GNG4: variants seen among roughly 807,000 people sequenced by gnomAD.
GNG4 encodes the protein guanine nucleotide-binding protein G(I)/G(S)/G(O) subunit gamma-4.
GNG4 carries 4 observed loss-of-function variants against 5.8 expected under a neutral mutation model. The observed-to-expected ratio is 0.69, with a 90% CI of 0.34 to 1.57. The LOEUF (loss-of-function observed/expected upper bound fraction) is 1.57, where lower values mean the gene tolerates loss of function less well. Among genes scored for constraint, GNG4 ranks in the 40% most tolerant of loss-of-function variants. The pLI is 0.06. For synonymous variants in GNG4, 29 were observed against 32.9 expected, an observed-to-expected ratio of 0.88 and a Z score of 0.41; for missense variants, 96 against 95.1, an observed-to-expected ratio of 1.01 and a Z score of -0.04.
intron 1 of GNG4, among the ~76,000 whole-genome samples, chr1:235,629,462 G>C (rs1688889965): frequency 6.6e-6 from 1 of 152,038 alleles, no homozygotes; most frequent in African/African-American, 2.4e-5. Flanking sequence ...GCATGCTTTT[G>C]CTTCCACTAT....
intron 1 of GNG4, among the ~76,000 whole-genome samples, chr1:235,633,454 C>T (rs1322853604): frequency 6.6e-6 from 1 of 152,138 alleles, no homozygotes; most frequent in African/African-American, 2.4e-5. Context: ...GAGGCTGGCT[C>T]TGGTTATTTC....
At chr1:235,569,458 A>G (rs1438822554) in intron 3 of GNG4, among the ~76,000 whole-genome samples, 1 of 15,550 alleles carries the variant, frequency 6.4e-5, no homozygotes, top group Non-Finnish European at 1.1e-4. Context: ...ACCGTGTCTC[A>G]AAAAAAAAAA....
At chr1:235,587,372 T>TA (rs1687804389) in intron 2 of GNG4, among the ~76,000 whole-genome samples, 1 of 24,700 alleles carries the variant, frequency 4.0e-5, no homozygotes, top group African/African-American at 2.4e-4. Context: ...TGTGTGTGAG[T>TA]GTGTGTGTGA....
At chr1:235,584,424 C>T (rs528953792) in intron 2 of GNG4, among the ~76,000 whole-genome samples, 30 of 152,196 alleles carry the variant, frequency 2.0e-4, no homozygotes, top group Admixed American at 1.8e-3. Context: ...TCATAACACA[C>T]ATTTCTAATG....
At chr1:235,600,851 C>T (rs993358684) in intron 1 of GNG4, among the ~76,000 whole-genome samples, 1 of 152,234 alleles carries the variant, frequency 6.6e-6, no homozygotes, top group Non-Finnish European at 1.5e-5. Context: ...AGTGGGAAGG[C>T]CCACTGGCTG....
chr1:235,578,933 C>A (rs148214990), intron 3 of GNG4, among the ~76,000 whole-genome samples: 1 of 152,090 alleles, frequency 6.6e-6, no homozygotes, highest in Non-Finnish European at 1.5e-5. Context: ...CCCGTCTCTA[C>A]TAATAATACA....
chr1:235,589,548 C>T (rs1468927311), intron 2 of GNG4, among the ~76,000 whole-genome samples: 16 of 152,142 alleles, frequency 1.1e-4, no homozygotes, highest in Admixed American at 1.0e-3. Context: ...TGCCCATCCG[C>T]CCACTCCCCT....
At chr1:235,556,108 C>A (rs1179319550) in intron 3 of GNG4, among the ~76,000 whole-genome samples, 5 of 151,874 alleles carry the variant, frequency 3.3e-5, no homozygotes, top group Non-Finnish European at 5.9e-5. Context: ...CTCAGGTGAT[C>A]TGCCCGCCTC....
chr1:235,559,092 C>T (rs1686990633), intron 3 of GNG4, among the ~76,000 whole-genome samples: 1 of 152,216 alleles, frequency 6.6e-6, no homozygotes, highest in African/African-American at 2.4e-5. Flanking sequence ...TCCTTTGCAT[C>T]TGAAGTAGAC....
At chr1:235,606,297 G>A (rs1049225761) in intron 1 of GNG4, among the ~76,000 whole-genome samples, 10 of 152,112 alleles carry the variant, frequency 6.6e-5, no homozygotes, top group African/African-American at 1.7e-4. Context: ...AAGGAGAATC[G>A]CTTGAACCCA....
chr1:235,614,510 T>TC (rs1688546673), intron 1 of GNG4, among the ~76,000 whole-genome samples: 1 of 152,218 alleles, frequency 6.6e-6, no homozygotes. Flanking sequence ...TTCCTTTTTT[T>TC]CTAAAATAAA....
chr1:235,578,093 C>T (rs1182428817), intron 3 of GNG4, among the ~76,000 whole-genome samples: 4 of 151,924 alleles, frequency 2.6e-5, no homozygotes, highest in Non-Finnish European at 5.9e-5. Flanking sequence ...TTCTGCAAAG[C>T]CACACTGTGC....
At chr1:235,589,459 T>C (rs929283981) in intron 2 of GNG4, among the ~76,000 whole-genome samples, 2 of 152,158 alleles carry the variant, frequency 1.3e-5, no homozygotes, top group African/African-American at 4.8e-5. Context: ...AGAGCTGGTA[T>C]GAGTCAGCTG....
intron 3 of GNG4, among the ~76,000 whole-genome samples, chr1:235,573,702 G>A (rs1364653464): frequency 1.3e-5 from 2 of 151,962 alleles, no homozygotes; most frequent in Non-Finnish European, 2.9e-5. Context: ...ACTTGAACCC[G>A]AGAGGCGGAG....
intron 2 of GNG4, among the ~76,000 whole-genome samples, chr1:235,591,079 G>A (rs981651113): frequency 6.6e-6 from 1 of 152,148 alleles, no homozygotes; most frequent in Non-Finnish European, 1.5e-5. Flanking sequence ...CTGACTGTTG[G>A]TATTGCAGGG....
intron 2 of GNG4, among the ~76,000 whole-genome samples, chr1:235,591,627 C>T (rs1248348765): frequency 6.6e-6 from 1 of 152,166 alleles, no homozygotes; most frequent in African/African-American, 2.4e-5. Flanking sequence ...TCTGCACATC[C>T]CACCTGGACC....
rs867861106 is a variant in GNG4 at position 235,570,929 on chromosome 1, C to T, written c.99+12811G>A. The stretch of plus-strand genomic sequence containing the variant: ...GTGTGTATACATATATATATACACA[C>T]ACACACACACACACACATATATATA... On this transcript the variant is annotated intron_variant, in intron 3 of 3. Transcript: ENST00000391854. Among the ~76,000 whole-genome samples the T allele has an allele frequency of 2.6e-3, 163 of 63,804 alleles. 2 individuals are homozygous for T. The highest frequency in any genetic ancestry group is 0.013 in the African/African-American group (148 of 11,296). 41.9% of individuals were successfully genotyped at this position (63,804 alleles called of 152,430 possible). A position where few individuals can be genotyped will look rare whatever the true frequency, so the allele number is the denominator to read the frequency against.
intron 3 of GNG4, among the ~76,000 whole-genome samples, chr1:235,562,659 G>GAAAAAAAAAAAAAA (rs1318706984): frequency 6.6e-4 from 34 of 51,244 alleles, no homozygotes; most frequent in Non-Finnish European, 9.2e-4. Context: ...AAAAAAAAAA[G>GAAAAAAAAAAAAAA]AAAAAAAAAA....
intron 1 of GNG4, chr1:235,616,324 GA>G (rs1033707880): frequency 4.6e-6 from 2 of 437,186 alleles, no homozygotes; most frequent in Non-Finnish European, 9.0e-6. Context: ...TTGTCATTCA[GA>G]ACCTGGGTCT....
Sources: allele counts gnomAD v4.1 joint callset (sites outside exome capture counted in the v4.1 genomes callset), GRCh38; gene constraint gnomAD v4.1.1; transcripts MANE v1.5; gene names NCBI Gene and HGNC (gene_info 2026-07-23, HGNC 2026-07-21).